TSPAN9: variants seen among roughly 807,000 people sequenced by gnomAD.
The protein encoded by TSPAN9 is tetraspanin 9.
A neutral mutation model predicts 31.0 loss-of-function variants in TSPAN9; 16 were observed. The observed-to-expected ratio is 0.52, with a 90% CI of 0.35 to 0.78. The LOEUF (loss-of-function observed/expected upper bound fraction) is 0.78, where lower values mean the gene tolerates loss of function less well. TSPAN9 is among the 30% of genes least tolerant of loss of function. The pLI, the probability that TSPAN9 is intolerant of heterozygous loss-of-function variation, is 0.01. For missense variants in TSPAN9, 272 were observed against 312.5 expected, an observed-to-expected ratio of 0.87 and a Z score of 0.98; for synonymous variants, 145 against 121.6, an observed-to-expected ratio of 1.19 and a Z score of -1.27.
chr12:3,133,507 G>C (rs1020977668), intron 2 of TSPAN9, among the ~76,000 whole-genome samples: 1 of 152,106 alleles, frequency 6.6e-6, no homozygotes, highest in African/African-American at 2.4e-5. Flanking sequence ...GGAGAGCCTT[G>C]GTATGTATTC....
At chr12:3,092,458 T>C (rs1467735268) in intron 2 of TSPAN9, among the ~76,000 whole-genome samples, 2 of 152,338 alleles carry the variant, frequency 1.3e-5, no homozygotes, top group South Asian at 4.1e-4. Context: ...TGTCTATTTC[T>C]GTTTTACCCA....
At chr12:3,174,635 G>C (rs180888504) in intron 2 of TSPAN9, among the ~76,000 whole-genome samples, 2 of 151,768 alleles carry the variant, frequency 1.3e-5, no homozygotes, top group South Asian at 2.1e-4. Flanking sequence ...CAGGCTGGAG[G>C]GCAGTGGCGC....
chr12:3,266,776 G>T (rs1862545450), intron 3 of TSPAN9, among the ~76,000 whole-genome samples: 1 of 152,188 alleles, frequency 6.6e-6, no homozygotes, highest in African/African-American at 2.4e-5. Flanking sequence ...ATGCTGGCGT[G>T]GGTGGACGCG....
intron 3 of TSPAN9, among the ~76,000 whole-genome samples, chr12:3,235,846 A>G (rs540293123): frequency 5.9e-5 from 9 of 152,152 alleles, no homozygotes; most frequent in African/African-American, 2.2e-4. Flanking sequence ...TGCCAATATG[A>G]TTAGCTCTGG....
At chr12:3,145,379 G>A (rs913971010) in intron 2 of TSPAN9, among the ~76,000 whole-genome samples, 2 of 152,238 alleles carry the variant, frequency 1.3e-5, no homozygotes, top group East Asian at 1.9e-4. Flanking sequence ...TTGTTTTGAC[G>A]TGCCAGCTTG....
At chr12:3,278,139 CTG>C (rs1369753737) in intron 3 of TSPAN9, among the ~76,000 whole-genome samples, 7 of 152,200 alleles carry the variant, frequency 4.6e-5, no homozygotes, top group African/African-American at 1.7e-4. Context: ...ACTTTTGCCT[CTG>C]TGTGGTTTAA....
At chr12:3,155,596 T>A (rs1377736554) in intron 2 of TSPAN9, among the ~76,000 whole-genome samples, 3 of 147,160 alleles carry the variant, frequency 2.0e-5, no homozygotes. Context: ...CCTGTCTCTT[T>A]AAAAAAAAAA....
At chr12:3,152,834 C>G (rs1378051806) in intron 2 of TSPAN9, among the ~76,000 whole-genome samples, 1 of 152,190 alleles carries the variant, frequency 6.6e-6, no homozygotes, top group Non-Finnish European at 1.5e-5. Context: ...GTGATCCACC[C>G]GCCTTGGCCT....
intron 3 of TSPAN9, among the ~76,000 whole-genome samples, chr12:3,272,754 T>C (rs1862706103): frequency 1.3e-5 from 2 of 152,064 alleles, no homozygotes; most frequent in Admixed American, 1.3e-4. Context: ...TGGAAGTGGG[T>C]GGAGAAGCTC....
intron 3 of TSPAN9, among the ~76,000 whole-genome samples, chr12:3,268,790 A>G (rs1862600101): frequency 1.1e-5 from 1 of 88,190 alleles, no homozygotes; most frequent in Non-Finnish European, 2.5e-5. Flanking sequence ...GTGTTCCTGC[A>G]GCCTGCCCTC....
chr12:3,225,115 G>T (rs977991996), intron 3 of TSPAN9, among the ~76,000 whole-genome samples: 1 of 152,154 alleles, frequency 6.6e-6, no homozygotes, highest in Non-Finnish European at 1.5e-5. Context: ...AATCATCCTC[G>T]CACCCTGTGG....
chr12:3,272,764 C>G (rs763226407), intron 3 of TSPAN9: 1 of 152,230 alleles, frequency 6.6e-6, no homozygotes, highest in African/African-American at 2.4e-5. Flanking sequence ...TGGAGAAGCT[C>G]AGGACGGGGA....
chr12:3,124,212 T>G (rs1021732540), intron 2 of TSPAN9, among the ~76,000 whole-genome samples: 5 of 152,224 alleles, frequency 3.3e-5, no homozygotes, highest in Non-Finnish European at 7.3e-5. Context: ...CCCATTTATG[T>G]CTAGAGTTGC....
chr12:3,281,225 A>G lies in TSPAN9; in HGVS notation c.460A>G (p.Thr154Ala). ...EMRCCGVTDY[T>A]DWYPVLGENT... ...GCGATGCTGTGGTGTCACTGACTAC[A>G]CAGACTGGTACCCAGTGCTGGGGGA... The change falls in exon 7 of 9, where the codon ACA (threonine) becomes GCA (alanine). Residue 154 changes from threonine (T) to alanine (A), a missense_variant. Coordinates refer to ENST00000011898, the MANE Select transcript of TSPAN9 (RefSeq NM_006675.5). The G allele has an allele frequency of 2.6e-6, 4 of 1,551,218 alleles. No homozygotes were observed. The highest frequency in any genetic ancestry group is 1.7e-4 in the Middle Eastern group (1 of 5,986).
At chr12:3,234,765 A>G (rs2098392438) in intron 3 of TSPAN9, among the ~76,000 whole-genome samples, 3 of 152,212 alleles carry the variant, frequency 2.0e-5, no homozygotes, top group Admixed American at 2.0e-4. Context: ...TCTACAGGAA[A>G]GAAGAAAAAT....
chr12:3,091,062 A>G (rs1362022455), intron 2 of TSPAN9, among the ~76,000 whole-genome samples: 6 of 152,250 alleles, frequency 3.9e-5, no homozygotes. Flanking sequence ...GCCCTCTGCA[A>G]GCTGCCAAGA....
rs1009100938 is a variant in TSPAN9 at position 3,284,627 on chromosome 12, A to G, written c.*1511A>G. 1 of 152,648 alleles carries G rather than the reference A, an allele frequency of 6.6e-6. No homozygotes were observed. Among genetic ancestry groups the G allele is most frequent in the African/African-American group, 2.4e-5 (1 of 41,420 alleles). The allele number at this position is 152,648 out of a possible 1,614,324, so 9.5% of individuals were successfully genotyped here. A position where few individuals can be genotyped will look rare whatever the true frequency, so the allele number is the denominator to read the frequency against. On this transcript the variant is annotated 3_prime_UTR_variant, in exon 9 of 9. Transcript: ENST00000011898. ...GCTGGGGAGTGAGGCCAGGAGTGGG[A>G]TTCAGCTGCAGCAGGGCGCCCCCTC...
intron 2 of TSPAN9, among the ~76,000 whole-genome samples, chr12:3,161,102 C>T (rs1331392828): frequency 3.9e-5 from 6 of 152,114 alleles, no homozygotes; most frequent in Non-Finnish European, 7.4e-5. Flanking sequence ...TACCTGTAAT[C>T]CCAGCTACTC....
At chr12:3,105,175 G>A (rs1244780088) in intron 2 of TSPAN9, among the ~76,000 whole-genome samples, 1 of 152,200 alleles carries the variant, frequency 6.6e-6, no homozygotes. Context: ...GCCCTGCTGT[G>A]TAGAGGCCTG....
Sources: allele counts gnomAD v4.1 joint callset (sites outside exome capture counted in the v4.1 genomes callset), GRCh38; gene constraint gnomAD v4.1.1; transcripts MANE v1.5; gene names NCBI Gene and HGNC (gene_info 2026-07-23, HGNC 2026-07-21).